Variants in FLT3 observed in about 807,000 individuals in gnomAD.
FLT3 encodes fms related receptor tyrosine kinase 3.
A neutral mutation model predicts 126.6 loss-of-function variants in FLT3; 46 were observed. That is an observed-to-expected ratio of 0.36 (90% CI 0.29 to 0.46). The LOEUF (loss-of-function observed/expected upper bound fraction) is 0.46. Among genes scored for constraint, FLT3 ranks in the 20% least tolerant of loss-of-function variants. FLT3 has a pLI of 1.00. For missense variants in FLT3, 1,069 were observed against 1,190.3 expected (o/e 0.90, Z 1.50); for synonymous variants, 404 against 434.4 (o/e 0.93, Z 0.87).
At chr13:28,095,604 C>T (rs1879402112) in intron 1 of FLT3, among the ~76,000 whole-genome samples, 1 of 152,160 alleles carries the variant, frequency 6.6e-6, no homozygotes, top group Non-Finnish European at 1.5e-5. Context: ...CTGTTATCTA[C>T]AAGATCCCTT....
chr13:28,096,367 A>C (rs556614430), intron 1 of FLT3, among the ~76,000 whole-genome samples: 17 of 152,160 alleles, frequency 1.1e-4, no homozygotes, highest in Non-Finnish European at 2.4e-4. Context: ...AAAAATTTAA[A>C]AAGTAGTTTT....
chr13:28,017,725 C>T (rs1180175701), intron 20 of FLT3, among the ~76,000 whole-genome samples: 4 of 146,952 alleles, frequency 2.7e-5, no homozygotes, highest in Admixed American at 1.4e-4. Flanking sequence ...AGTGCAGTGG[C>T]GCGATCTCAG....
At chr13:28,020,501 C>T (rs1872290353) in intron 19 of FLT3, among the ~76,000 whole-genome samples, 1 of 152,196 alleles carries the variant, frequency 6.6e-6, no homozygotes. Flanking sequence ...GCGTACACCA[C>T]CGTGCCTGGC....
intron 1 of FLT3, among the ~76,000 whole-genome samples, chr13:28,092,333 C>A (rs1015091534): frequency 6.6e-6 from 1 of 152,016 alleles, no homozygotes; most frequent in African/African-American, 2.4e-5. Flanking sequence ...CCCTCTCCCT[C>A]ATTTCCCATT....
chr13:28,030,596 C>T (rs966175712), intron 15 of FLT3, among the ~76,000 whole-genome samples: 26 of 152,230 alleles, frequency 1.7e-4, no homozygotes, highest in Admixed American at 1.2e-3. Flanking sequence ...ACGTGGGTCC[C>T]CGCGCCTCTA....
At chr13:28,065,645 GTAA>G (rs35748326) in intron 2 of FLT3, among the ~76,000 whole-genome samples, 91,996 of 108,306 alleles carry the variant, frequency 0.85, 40,005 homozygotes, top group Non-Finnish European at 0.9. Flanking sequence ...TTGTCTCAAA[GTAA>G]TAATAATAAT....
chr13:28,070,071 T>C (rs1877368938), intron 2 of FLT3, among the ~76,000 whole-genome samples: 1 of 152,180 alleles, frequency 6.6e-6, no homozygotes, highest in Admixed American at 6.5e-5. Context: ...GCTATGATCA[T>C]GCCACTATAC....
chr13:28,019,465 T>C (rs2065352754), intron 19 of FLT3, among the ~76,000 whole-genome samples: 1 of 152,186 alleles, frequency 6.6e-6, no homozygotes, highest in African/African-American at 2.4e-5. Context: ...AAGGAAGATC[T>C]GAAGGGGAAC....
At chr13:28,091,187 T>A (rs1008602845) in intron 1 of FLT3, among the ~76,000 whole-genome samples, 1 of 146,146 alleles carries the variant, frequency 6.8e-6, no homozygotes, top group African/African-American at 2.5e-5. Context: ...AACTCATTTA[T>A]CCTCTTTGGG....
In FLT3 at chr13:28,055,506, T is replaced by A. The variant is rs145361037; in HGVS notation, c.484+1841A>T. 2.0e-5 allele frequency among the ~76,000 whole-genome samples: 3 copies of A among 152,374 alleles called. No homozygotes were observed. The East Asian group carries it at 5.8e-4, about 29-fold the overall frequency. Reference sequence around the variant, plus strand: ...AACACTGCCAAGGTTCAAATTTACTTTTTTGGCAACCATGCCACGCTGGTG... The same window carrying A: ...AACACTGCCAAGGTTCAAATTTACTATTTTGGCAACCATGCCACGCTGGTG... On this transcript the variant is annotated intron_variant, in intron 4 of 23. Transcript: ENST00000241453.
intron 1 of FLT3, among the ~76,000 whole-genome samples, chr13:28,098,087 G>A (rs1879579776): frequency 6.6e-6 from 1 of 152,024 alleles, no homozygotes; most frequent in South Asian, 2.1e-4. Flanking sequence ...GGCTGAGGTG[G>A]GTGGATCGCC....
At chr13:28,047,943 G>A (rs77886845) in intron 9 of FLT3, among the ~76,000 whole-genome samples, 1 of 152,036 alleles carries the variant, frequency 6.6e-6, no homozygotes, top group African/African-American at 2.4e-5. Flanking sequence ...AAATGTTTTA[G>A]GGGAGACTCA....
At chr13:28,086,477 G>A (rs1878679995) in intron 1 of FLT3, among the ~76,000 whole-genome samples, 1 of 152,124 alleles carries the variant, frequency 6.6e-6, no homozygotes, top group Admixed American at 6.6e-5. Flanking sequence ...GCTTTAAACA[G>A]TGAATTGTCT....
chr13:28,090,420 T>C (rs1051269272), intron 1 of FLT3, among the ~76,000 whole-genome samples: 1 of 152,192 alleles, frequency 6.6e-6, no homozygotes, highest in African/African-American at 2.4e-5. Flanking sequence ...CTTAAACTCA[T>C]AGAACTGCAT....
At chr13:28,064,934 C>T (rs776507165) in intron 2 of FLT3, among the ~76,000 whole-genome samples, 4 of 152,104 alleles carry the variant, frequency 2.6e-5, no homozygotes, top group Non-Finnish European at 4.4e-5. Context: ...CCTAAATGCT[C>T]GTACATAGAT....
At position 28,049,488 on chromosome 13, in the gene FLT3, C is replaced by A. The variant is rs1279372452; in HGVS notation, c.932G>T (p.Arg311Leu). The change falls in exon 8 of 24, where the codon CGG becomes CTG. Residue 311 changes from arginine to leucine, a missense_variant. Physicochemically the swap from Arg to Leu is moderately radical, Grantham distance 102. Coordinates refer to ENST00000241453, the MANE Select transcript of FLT3 (RefSeq NM_004119.3). ...STYSTNRTMI[R>L]ILFAFVSSVA... ...TGATGATACAAAAGCAAACAGAATC[C>A]GTATCATAGTTCTGTTTGTTGAATA... The A allele has an allele frequency of 6.2e-7, 1 of 1,613,232 alleles. No individual in the cohort carries two copies. The highest frequency in any genetic ancestry group is 8.5e-7 in the Non-Finnish European group (1 of 1,179,244).
In FLT3 at chr13:28,023,514, T is replaced by G. The variant is rs776880433; in HGVS notation, c.2291-37A>C. On this transcript the variant is annotated intron_variant, in intron 18 of 23. Coordinates refer to ENST00000241453, the MANE Select transcript of FLT3 (RefSeq NM_004119.3). ...AGCCAGTCTTCACTTTTGCCAAAAC[T>G]CTAAGAAGTTGCCTTATTAAATCTC... 6.8e-6 allele frequency: 11 copies of G among 1,609,384 alleles called. No homozygotes were observed. In the Admixed American group the frequency reaches 1.7e-4, roughly 25 times the overall value.
At chr13:28,078,937 C>T (rs983192192) in intron 1 of FLT3, among the ~76,000 whole-genome samples, 68 of 152,198 alleles carry the variant, frequency 4.5e-4, no homozygotes, top group African/African-American at 1.5e-3. Context: ...TGGTCTTGAA[C>T]TCCCGACCTC....
chr13:28,015,758 C>A (rs929690147), intron 20 of FLT3, 57 bp from the exon 21 acceptor site: 15 of 1,028,342 alleles, frequency 1.5e-5, no homozygotes, highest in Admixed American at 1.3e-4. Flanking sequence ...GACATGACTT[C>A]TTTTCTTTTG....
Sources: gnomAD v4.1 joint callset for allele counts (sites outside exome capture counted in the v4.1 genomes callset) on GRCh38, gnomAD v4.1.1 for gene constraint, MANE v1.5 for transcripts, NCBI Gene and HGNC (gene_info 2026-07-23, HGNC 2026-07-21) for gene names.